HSP90AA1: variants seen among roughly 807,000 people sequenced by gnomAD.
HSP90AA1 encodes heat shock protein 90 alpha family class A member 1.
HSP90AA1 carries 18 observed loss-of-function variants against 73.3 expected under a neutral mutation model. That is an observed-to-expected ratio of 0.25 (90% CI 0.17 to 0.36). The LOEUF is 0.36. HSP90AA1 is among the 10% of genes least tolerant of loss of function. The probability of loss-of-function intolerance (pLI) is 1.00; values close to 1 mark genes in which losing one functional copy is unlikely to be tolerated. For synonymous variants in HSP90AA1, 477 were observed against 296.9 expected (o/e 1.61, Z -6.24); for missense variants, 704 against 874.2 (o/e 0.81, Z 2.45).
In HSP90AA1 at chr14:102,084,855, C is replaced by G; in HGVS notation, c.807G>C (p.Lys269Asn). Residue 269 changes from lysine to asparagine, a missense_variant, in exon 5 of 11, where the codon AAG (lysine) becomes AAC (asparagine). By Grantham distance (94) the Lys-to-Asn change is moderately conservative (BLOSUM62 0). Transcript: ENST00000216281. ...EDVGSDEEEE[K>N]KDGDKKKKKK... ...TCTTCTTCTTCTTGTCACCATCCTT[C>G]TTTTCTTCTTCCTCATCAGAACCAA... 6.3e-7 allele frequency: 1 copy of G among 1,584,190 alleles called. No individual in the cohort carries two copies.
intron 2 of HSP90AA1, among the ~76,000 whole-genome samples, chr14:102,098,346 G>C (rs1403247629): frequency 6.6e-6 from 1 of 151,270 alleles, no homozygotes. Context: ...ATTTTTAGTA[G>C]AAATGGGGTT....
intron 1 of HSP90AA1, among the ~76,000 whole-genome samples, chr14:102,134,485 G>A (rs1179112580): frequency 1.3e-5 from 2 of 152,050 alleles, no homozygotes; most frequent in African/African-American, 2.4e-5. Context: ...GCGGACCCTC[G>A]CAGTGAGTGT....
rs1044112021 is a variant in HSP90AA1, at chr14:102,084,806, C to A, written c.856G>T (p.Asp286Tyr). 6.2e-7 allele frequency: 1 copy of A among 1,613,528 alleles called. No individual in the cohort carries two copies. Among genetic ancestry groups the A allele is most frequent in the Non-Finnish European group, 8.5e-7 (1 of 1,179,472 alleles). Reference sequence around the variant, plus strand: ...TTTGTTTTGTTGAGCTCTTCTTGATCGATGTACTTTTCCTTAATCTTCTTC... The same window carrying A: ...TTTGTTTTGTTGAGCTCTTCTTGATAGATGTACTTTTCCTTAATCTTCTTC... ...KKKKIKEKYI[D>Y]QEELNKTKPI... The change falls in exon 5 of 11, where the codon GAT (aspartate) becomes TAT (tyrosine). Residue 286 changes from aspartate to tyrosine, a missense_variant. Asp to Tyr is a radical substitution (Grantham distance 160, BLOSUM62 -3). Transcript: ENST00000216281.
At chr14:102,135,286 A>G (rs1257304661) in intron 1 of HSP90AA1, among the ~76,000 whole-genome samples, 1 of 146,450 alleles carries the variant, frequency 6.8e-6, no homozygotes, top group Non-Finnish European at 1.5e-5. Context: ...ACAAACCTTG[A>G]GCTAGATACA....
At position 102,084,578 on chromosome 14, in the gene HSP90AA1, G is replaced by A. The variant is rs763170087; in HGVS notation, c.982-14C>T. The A allele has an allele frequency of 8.7e-6, 14 of 1,614,042 alleles. No individual in the cohort carries two copies. The highest frequency in any genetic ancestry group is 1.6e-4 in the Middle Eastern group (1 of 6,084). ...AACTGAAAAATGCTGTAATAAAACA[G>A]ATACACTAAGTACCAATGAACAATG... On this transcript the variant is annotated splice_polypyrimidine_tract_variant and intron_variant, in intron 5 of 10. Coordinates refer to ENST00000216281, the MANE Select transcript of HSP90AA1 (RefSeq NM_005348.4).
chr14:102,109,657 G>C (rs939473794), intron 1 of HSP90AA1, among the ~76,000 whole-genome samples: 1 of 152,262 alleles, frequency 6.6e-6, no homozygotes, highest in South Asian at 2.1e-4. Flanking sequence ...CATGAAAATG[G>C]ACTAATACAG....
In HSP90AA1 at chr14:102,086,436, A is replaced by C. The variant is rs8004640; in HGVS notation, c.1-58T>G. On this transcript the variant is annotated intron_variant, in intron 1 of 10. Transcript: ENST00000216281. ...CAGGACGTCTACAGAGGCAACACGA[A>C]ATTCCATCGCGTTCTCCAAATATTT... The C allele has an allele frequency of 4.2e-4, 661 of 1,591,436 alleles. 1 individual carries two copies. The highest frequency in any genetic ancestry group is 5.2e-4 in the Non-Finnish European group (605 of 1,159,618).
chr14:102,089,700 C>G (rs1027959302), upstream of HSP90AA1, among the ~76,000 whole-genome samples: 2 of 152,108 alleles, frequency 1.3e-5, no homozygotes, highest in African/African-American at 4.8e-5. Flanking sequence ...GAGCTTCCCC[C>G]CTGTCTCCAG....
chr14:102,083,899 A>G lies in HSP90AA1; in HGVS notation c.1232T>C (p.Val411Ala). ...EMLQQSKILK[V>A]IRKNLVKKCL... ...TTTTTTGACCAAATTCTTCCTGATA[A>G]CTTTCAAAATTTTGCTTTGTTGCAA... Residue 411 changes from valine (V) to alanine (A), a missense_variant, in exon 7 of 11, where the codon GTT (valine) becomes GCT (alanine). Transcript: ENST00000216281. 1 of 1,614,002 alleles carries G rather than the reference A, an allele frequency of 6.2e-7. No individual in the cohort carries two copies. Among genetic ancestry groups the G allele is most frequent in the Non-Finnish European group, 8.5e-7 (1 of 1,179,906 alleles).
chr14:102,114,554 T>C (rs1021529210), intron 1 of HSP90AA1, among the ~76,000 whole-genome samples: 8 of 152,110 alleles, frequency 5.3e-5, no homozygotes, highest in African/African-American at 1.9e-4. Flanking sequence ...AATTTCTGCA[T>C]GGAGAGTAAA....
chr14:102,088,153 C>A (rs2049294779), upstream of HSP90AA1, among the ~76,000 whole-genome samples: 1 of 151,912 alleles, frequency 6.6e-6, no homozygotes, highest in African/African-American at 2.4e-5. Flanking sequence ...TTTGTAGAGT[C>A]GGGGTTTCAC....
intron 4 of HSP90AA1, 49 bp from the exon 5 acceptor site, chr14:102,085,047 G>A (rs749660317): frequency 1.2e-6 from 2 of 1,613,612 alleles, no homozygotes; most frequent in East Asian, 2.2e-5. Context: ...CCAGAACTAA[G>A]CGACAGCGCT....
At chr14:102,125,717 A>C (rs546090001) in intron 1 of HSP90AA1, among the ~76,000 whole-genome samples, 54 of 152,338 alleles carry the variant, frequency 3.5e-4, no homozygotes, top group African/African-American at 1.3e-3. Flanking sequence ...TGTGAACTGC[A>C]ATCGTGTGTA....
At chr14:102,134,834 G>C (rs1159504488) in intron 1 of HSP90AA1, among the ~76,000 whole-genome samples, 1 of 152,156 alleles carries the variant, frequency 6.6e-6, no homozygotes, top group Non-Finnish European at 1.5e-5. Flanking sequence ...ACCCGAGCGG[G>C]TTGCCAATGC....
intron 1 of HSP90AA1, among the ~76,000 whole-genome samples, chr14:102,138,075 T>A (rs1232377723): frequency 6.6e-6 from 1 of 152,016 alleles, no homozygotes; most frequent in Non-Finnish European, 1.5e-5. Flanking sequence ...TTTATTACTG[T>A]GATTATAATA....
chr14:102,138,421 A>AGT (rs1185537140), intron 1 of HSP90AA1, among the ~76,000 whole-genome samples: 1 of 152,228 alleles, frequency 6.6e-6, no homozygotes, highest in Non-Finnish European at 1.5e-5. Context: ...GATTAGGGAA[A>AGT]GTCGGATAAC....
At chr14:102,090,600 C>T (rs985305922), upstream of HSP90AA1, among the ~76,000 whole-genome samples, 5 of 152,140 alleles carry the variant, frequency 3.3e-5, no homozygotes, top group African/African-American at 7.2e-5. Context: ...CAGGCGCCCG[C>T]CACCACACCT....
rs1166842352 is a variant in HSP90AA1, at chr14:102,080,917, G to GA, written c.*794dup. On this transcript the variant is annotated 3_prime_UTR_variant, in exon 11 of 11. Transcript: ENST00000216281. Reference sequence around the variant, plus strand: ...CCCACACCTGCTGAGTACATGCTGGGAAGACCATGTCAACCCTTGGAGCAG... The same window carrying GA: ...CCCACACCTGCTGAGTACATGCTGGGAAAGACCATGTCAACCCTTGGAGCAG... 4.4e-6 allele frequency: 1 copy of GA among 228,568 alleles called. No homozygotes were observed. Among genetic ancestry groups the GA allele is most frequent in the African/African-American group, 2.2e-5 (1 of 45,024 alleles). The allele number at this position is 228,568 out of a possible 1,614,324, so 14.2% of individuals were successfully genotyped here. A position where few individuals can be genotyped will look rare whatever the true frequency, so the allele number is the denominator to read the frequency against.
chr14:102,132,564 A>G (rs1369147360), intron 1 of HSP90AA1, among the ~76,000 whole-genome samples: 3 of 152,076 alleles, frequency 2.0e-5, no homozygotes, highest in South Asian at 2.1e-4. Context: ...AAGGAAAAAG[A>G]AAAAAAATTG....
Sources: gnomAD v4.1 joint callset for allele counts (sites outside exome capture counted in the v4.1 genomes callset) on GRCh38, gnomAD v4.1.1 for gene constraint, MANE v1.5 for transcripts, NCBI Gene and HGNC (gene_info 2026-07-23, HGNC 2026-07-21) for gene names.